INVS: variants seen among roughly 807,000 people sequenced by gnomAD.
The protein encoded by INVS is inversin.
A neutral mutation model predicts 108.8 loss-of-function variants in INVS; 86 were observed. The observed-to-expected ratio is 0.79, with a 90% CI of 0.66 to 0.95. INVS has a LOEUF of 0.95. Among genes scored for constraint, INVS ranks in the 40% least tolerant of loss-of-function variants. The pLI, the probability that INVS is intolerant of heterozygous loss-of-function variation, is 0.00. For synonymous variants in INVS, 455 were observed against 473.5 expected, an observed-to-expected ratio of 0.96 and a Z score of 0.51; for missense variants, 1,169 against 1,297.4, an observed-to-expected ratio of 0.90 and a Z score of 1.52.
intron 3 of INVS, among the ~76,000 whole-genome samples, chr9:100,214,314 A>G (rs188386108): frequency 2.0e-5 from 3 of 152,298 alleles, no homozygotes; most frequent in African/African-American, 4.8e-5. Context: ...CTCGTTGCAG[A>G]TAGTTACAGG....
chr9:100,216,073 A>G (rs1830976304), intron 3 of INVS, among the ~76,000 whole-genome samples: 3 of 152,200 alleles, frequency 2.0e-5, no homozygotes. Context: ...ATCAGAGAGC[A>G]GGCCCTTACT....
At chr9:100,171,056 AGAG>A (rs1210889868) in intron 3 of INVS, among the ~76,000 whole-genome samples, 1 of 152,166 alleles carries the variant, frequency 6.6e-6, no homozygotes, top group African/African-American at 2.4e-5. Context: ...GAGAAAAGAG[AGAG>A]GAAGCCCATT....
intron 7 of INVS, among the ~76,000 whole-genome samples, chr9:100,244,074 T>G (rs1212320438): frequency 6.6e-6 from 1 of 152,122 alleles, no homozygotes; most frequent in Non-Finnish European, 1.5e-5. Context: ...CTTTGTGACC[T>G]CTCCAAATGC....
At chr9:100,211,237 T>A (rs1299509972) in intron 3 of INVS, among the ~76,000 whole-genome samples, 1 of 152,122 alleles carries the variant, frequency 6.6e-6, no homozygotes, top group African/African-American at 2.4e-5. Context: ...TTGTACCAAT[T>A]TAAAGCACCA....
chr9:100,148,509 A>C (rs182952912), intron 3 of INVS, among the ~76,000 whole-genome samples: 2 of 152,304 alleles, frequency 1.3e-5, no homozygotes, highest in African/African-American at 4.8e-5. Flanking sequence ...CTTCAAGTTT[A>C]CAAAGGATAT....
At chr9:100,108,838 C>T (rs368529741) in intron 2 of INVS, among the ~76,000 whole-genome samples, 2 of 152,162 alleles carry the variant, frequency 1.3e-5, no homozygotes, top group African/African-American at 4.8e-5. Flanking sequence ...ACTGGAGAGG[C>T]CTTCTCTGAA....
intron 3 of INVS, among the ~76,000 whole-genome samples, chr9:100,222,966 G>T (rs1457785665): frequency 1.3e-5 from 2 of 151,728 alleles, no homozygotes; most frequent in Non-Finnish European, 1.5e-5. Context: ...TATTAATGAA[G>T]CTCAGAAAAA....
chr9:100,264,937 T>A lies in INVS; in HGVS notation c.1571+9T>A. 6.3e-7 allele frequency: 1 copy of A among 1,592,292 alleles called. No individual in the cohort carries two copies. The highest frequency in any genetic ancestry group is 8.6e-7 in the Non-Finnish European group (1 of 1,160,714). ...GAAAACAATGAAGAGAGGTAAGTTG[T>A]TGTTGACTTTTTTTTTTTTTTTTGA... On this transcript the variant is annotated intron_variant, in intron 11 of 16. Transcript: ENST00000262457.
chr9:100,203,537 C>G (rs1830591315), intron 3 of INVS, among the ~76,000 whole-genome samples: 1 of 135,716 alleles, frequency 7.4e-6, no homozygotes, highest in Admixed American at 7.7e-5. Flanking sequence ...GAGTCTCACT[C>G]TATCATCTAG....
intron 10 of INVS, among the ~76,000 whole-genome samples, chr9:100,254,554 A>G (rs1832351740): frequency 6.6e-6 from 1 of 152,118 alleles, no homozygotes; most frequent in African/African-American, 2.4e-5. Flanking sequence ...TTTTAGGTCT[A>G]ACATTTAAGT....
Position 100,296,932 on chromosome 9 carries a change from G to A in INVS, c.2802G>A (p.Lys934=). The A allele has an allele frequency of 6.2e-7, 1 of 1,614,092 alleles. No homozygotes were observed. The highest frequency in any genetic ancestry group is 1.1e-5 in the South Asian group (1 of 91,062). Residue 934 remains lysine (K), a synonymous_variant, in exon 15 of 17, where the codon AAG becomes AAA. Transcript: ENST00000262457. ...QRAWRSYQLR[K]HLSHLRHMKQ... ...ACCCAACCAGCTACCAGCTCAGGAA[G>A]CACCTGTCCCACCTTCGGCATATGA...
At chr9:100,117,277 G>A in intron 2 of INVS, 3 of 738,384 alleles carry the variant, frequency 4.1e-6, no homozygotes, top group Non-Finnish European at 7.2e-6. Flanking sequence ...TGGTGCTCTG[G>A]CCAGCACGGG....
chr9:100,108,583 T>C (rs894191418), intron 2 of INVS, among the ~76,000 whole-genome samples: 3 of 152,244 alleles, frequency 2.0e-5, no homozygotes, highest in Non-Finnish European at 4.4e-5. Context: ...TCTCTAAATA[T>C]ATGCTATTTC....
chr9:100,201,155 T>C (rs1195169015), intron 3 of INVS, among the ~76,000 whole-genome samples: 2 of 152,216 alleles, frequency 1.3e-5, no homozygotes, highest in East Asian at 3.8e-4. Context: ...TTGGTTCTCC[T>C]TGCCCCCAAG....
At chr9:100,165,911 G>A (rs1305648145) in intron 3 of INVS, among the ~76,000 whole-genome samples, 2 of 152,218 alleles carry the variant, frequency 1.3e-5, no homozygotes, top group African/African-American at 2.4e-5. Context: ...AGTATTTGGA[G>A]AACACAATCT....
intron 13 of INVS, among the ~76,000 whole-genome samples, chr9:100,291,299 T>C (rs994579673): frequency 1.3e-4 from 19 of 151,980 alleles, no homozygotes; most frequent in Non-Finnish European, 2.5e-4. Context: ...CCTGACCTCA[T>C]GATTCCTGCC....
chr9:100,125,987 G>A (rs1026667242), intron 2 of INVS, among the ~76,000 whole-genome samples: 3 of 152,158 alleles, frequency 2.0e-5, no homozygotes, highest in Admixed American at 6.5e-5. Flanking sequence ...CACCCAGCCT[G>A]TAATTCATTT....
rs376463532 is a variant in INVS at position 100,293,040 on chromosome 9, G to A, written c.2783G>A (p.Arg928Gln). 1.1e-5 allele frequency: 17 copies of A among 1,613,196 alleles called. No individual in the cohort carries two copies. The highest frequency in any genetic ancestry group is 4.5e-5 in the East Asian group (2 of 44,882). The part of the protein sequence containing the change: ...KAAAVIQRAW[R>Q]SYQLRKHLSH... ...GCAGCAGTCATCCAGCGCGCCTGGCGAAGGTAGGAAAATGGGGTGCTGCCG... is the reference window on the plus strand; with the variant it reads ...GCAGCAGTCATCCAGCGCGCCTGGCAAAGGTAGGAAAATGGGGTGCTGCCG... Residue 928 changes from arginine (R) to glutamine (Q), a missense_variant, in exon 14 of 17, where the codon CGA (arginine) becomes CAA (glutamine). Around this residue, in one of 3 missense-constraint regions of INVS, gnomAD observed 533 missense variants for 536.0 expected, o/e 0.99. Transcript: ENST00000262457.
In INVS at chr9:100,249,057, T is replaced by G. The variant is rs575797137; in HGVS notation, c.1078+2270T>G. 1.7e-3 allele frequency among the ~76,000 whole-genome samples: 265 copies of G among 152,086 alleles called. 13 individuals are homozygous for G. Among genetic ancestry groups the G allele is most frequent in the Non-Finnish European group, 1.3e-3 (89 of 68,034 alleles). ...AAAGCATCATATAATATCTGTGATA[T>G]TTCAGTGATTTCACATTTGAAGAGC... On this transcript the variant is annotated intron_variant, in intron 8 of 16. Transcript: ENST00000262457.
Sources: gnomAD v4.1 joint callset for allele counts (sites outside exome capture counted in the v4.1 genomes callset) on GRCh38, gnomAD v4.1.1 for gene constraint, gnomAD v4.1.1 regional missense constraint, MANE v1.5 for transcripts, NCBI Gene and HGNC (gene_info 2026-07-23, HGNC 2026-07-21) for gene names.